The following ASB7 variants were observed in gnomAD, a reference collection of about 807,000 sequenced individuals.
The protein encoded by ASB7 is ankyrin repeat and SOCS box containing 7.
ASB7 carries 4 observed loss-of-function variants against 32.5 expected under a neutral mutation model. That is an observed-to-expected ratio of 0.12 (90% CI 0.06 to 0.28). The LOEUF (loss-of-function observed/expected upper bound fraction) is 0.28, where lower values mean the gene tolerates loss of function less well. Ranked by LOEUF, ASB7 falls within the 10% of genes least tolerant of loss-of-function variation. The pLI, the probability that ASB7 is intolerant of heterozygous loss-of-function variation, is 1.00. For synonymous variants in ASB7, 172 were observed against 155.6 expected, an observed-to-expected ratio of 1.11 and a Z score of -0.78; for missense variants, 181 against 407.1, an observed-to-expected ratio of 0.44 and a Z score of 4.78.
chr15:100,640,213 C>T (rs1483326422), intron 5 of ASB7, among the ~76,000 whole-genome samples: 2 of 152,214 alleles, frequency 1.3e-5, no homozygotes, highest in Middle Eastern at 3.4e-3. Flanking sequence ...GGTGTGATCT[C>T]AGCTCACTGC....
At chr15:100,618,021 C>T (rs990578590) in intron 4 of ASB7, among the ~76,000 whole-genome samples, 1 of 152,246 alleles carries the variant, frequency 6.6e-6, no homozygotes, top group Non-Finnish European at 1.5e-5. Flanking sequence ...GTGGCACAGT[C>T]ATAGCTCATC....
chr15:100,603,296 C>T lies in ASB7; in HGVS notation c.-191C>T, dbSNP rs1281765684. On this transcript the variant is annotated 5_prime_UTR_variant, in exon 2 of 6. Coordinates refer to ENST00000332783, the MANE Select transcript of ASB7 (RefSeq NM_198243.3). ...GAAGCAGAAGGCACAGTGCCTCTGA[C>T]CAGCATCGTCTGTAAAGGTAATGAG... 1.0e-5 allele frequency: 3 copies of T among 301,044 alleles called. No homozygotes were observed. Among genetic ancestry groups the T allele is most frequent in the Admixed American group, 5.1e-5 (1 of 19,498 alleles). The allele number at this position is 301,044 out of a possible 1,614,324, so 18.6% of individuals were successfully genotyped here.
intron 4 of ASB7, among the ~76,000 whole-genome samples, chr15:100,619,808 G>A (rs771832863): frequency 7.2e-5 from 11 of 152,172 alleles, no homozygotes; most frequent in African/African-American, 1.9e-4. Context: ...GGTGGGGAGC[G>A]GCCACGTGAA....
intron 5 of ASB7, among the ~76,000 whole-genome samples, chr15:100,634,311 G>A (rs1003921915): frequency 3.3e-5 from 5 of 152,212 alleles, no homozygotes; most frequent in East Asian, 3.8e-4. Flanking sequence ...AATCATATAC[G>A]TATTCACGTG....
At chr15:100,645,695 G>C (rs1200451752) in intron 5 of ASB7, 21 of 1,550,520 alleles carry the variant, frequency 1.4e-5, no homozygotes, top group Admixed American at 1.3e-4. Context: ...ACCATCTTTA[G>C]TTTGGGGATC....
chr15:100,637,723 A>C (rs1410433242), intron 5 of ASB7, among the ~76,000 whole-genome samples: 2 of 152,234 alleles, frequency 1.3e-5, no homozygotes, highest in Non-Finnish European at 2.9e-5. Context: ...GAAGATCCAA[A>C]GTTACTTGAA....
chr15:100,643,839 G>GT (rs2141407894), intron 5 of ASB7, among the ~76,000 whole-genome samples: 1 of 152,102 alleles, frequency 6.6e-6, no homozygotes, highest in African/African-American at 2.4e-5. Context: ...TAGTAATTTA[G>GT]TTTTTACCAC....
chr15:100,645,617 TG>T, intron 5 of ASB7: 1 of 837,740 alleles, frequency 1.2e-6, no homozygotes, highest in Non-Finnish European at 2.1e-6. Context: ...CTGTGGTTCA[TG>T]GGTAGGAGAC....
In ASB7 at chr15:100,640,178, C is replaced by T. The variant is rs558023315; in HGVS notation, c.818-8145C>T. The stretch of plus-strand genomic sequence containing the variant: ...TTGTTTTTTTTGAGACAGAGTCTCA[C>T]TTGTCACCCATGCTGGAATGCAATG... On this transcript the variant is annotated intron_variant, in intron 5 of 5. Transcript: ENST00000332783. 2.6e-5 allele frequency among the ~76,000 whole-genome samples: 4 copies of T among 152,156 alleles called. No individual in the cohort carries two copies. In the South Asian group the frequency reaches 8.3e-4, roughly 32 times the overall value.
At position 100,644,064 on chromosome 15, in the gene ASB7, A is replaced by G. The variant is rs934082039; in HGVS notation, c.818-4259A>G. Among the ~76,000 whole-genome samples, 4 of 152,132 alleles carry G rather than the reference A, an allele frequency of 2.6e-5. No individual in the cohort carries two copies. In the East Asian group the frequency reaches 7.8e-4, roughly 30 times the overall value. ...GGAGTTTGAGACCAGCCTGACCAAC[A>G]TGGTGAGACCCCATCTCTACTAAAA... On this transcript the variant is annotated intron_variant, in intron 5 of 5. Coordinates refer to ENST00000332783, the MANE Select transcript of ASB7 (RefSeq NM_198243.3).
At chr15:100,628,019 C>T (rs1333744879) in intron 4 of ASB7, among the ~76,000 whole-genome samples, 1 of 152,204 alleles carries the variant, frequency 6.6e-6, no homozygotes, top group East Asian at 1.9e-4. Context: ...TTAAAATGTT[C>T]TTACCCTACT....
chr15:100,641,741 C>T (rs2039962873), intron 5 of ASB7, among the ~76,000 whole-genome samples: 1 of 152,196 alleles, frequency 6.6e-6, no homozygotes, highest in South Asian at 2.1e-4. Context: ...CAAAGAGGGG[C>T]CCTCTACTTT....
intron 5 of ASB7, chr15:100,645,414 A>T (rs1400845222): frequency 9.5e-6 from 3 of 315,450 alleles, no homozygotes; most frequent in Non-Finnish European, 1.8e-5. Flanking sequence ...TCAAATTATC[A>T]TTCGAGTTCA....
intron 4 of ASB7, among the ~76,000 whole-genome samples, chr15:100,619,537 A>G (rs185078894): frequency 8.4e-4 from 128 of 152,360 alleles, no homozygotes; most frequent in Non-Finnish European, 1.5e-3. Flanking sequence ...ATTGCCGTTA[A>G]TTGAAATGAA....
intron 4 of ASB7, among the ~76,000 whole-genome samples, chr15:100,622,249 A>G (rs1037907299): frequency 1.3e-5 from 2 of 151,788 alleles, no homozygotes; most frequent in Admixed American, 1.3e-4. Context: ...AAATTTAACC[A>G]AGAAGATGAG....
At chr15:100,632,843 G>C (rs2039893928) in intron 5 of ASB7, among the ~76,000 whole-genome samples, 1 of 134,968 alleles carries the variant, frequency 7.4e-6, no homozygotes, top group South Asian at 2.4e-4. Flanking sequence ...TAAAAACTCT[G>C]ATCTATATAG....
chr15:100,646,887 T>G (rs1343715858), intron 5 of ASB7, among the ~76,000 whole-genome samples: 1 of 152,162 alleles, frequency 6.6e-6, no homozygotes. Flanking sequence ...GAGTGTCAGT[T>G]TTTTCCAGAG....
In ASB7 at chr15:100,612,122, C is replaced by G. The variant is rs2039701578; in HGVS notation, c.-51-44C>G. 3.0e-6 allele frequency: 3 copies of G among 1,011,734 alleles called. No individual in the cohort carries two copies. The East Asian group carries it at 7.7e-5, about 26-fold the overall frequency. 62.7% of individuals were successfully genotyped at this position (1,011,734 alleles called of 1,614,324 possible). A position where few individuals can be genotyped will look rare whatever the true frequency, so the allele number is the denominator to read the frequency against. On this transcript the variant is annotated intron_variant, in intron 3 of 5. Transcript: ENST00000332783. ...TATTTAATAGATGCAGTATCAGGAA[C>G]CAGTTATTCTAAATTTTACCTTTTC...
rs924653295 is a variant in ASB7 at position 100,650,662 on chromosome 15, T to C, written c.*2200T>C. 1.3e-5 allele frequency: 2 copies of C among 152,234 alleles called. No individual in the cohort carries two copies. The highest frequency in any genetic ancestry group is 4.8e-5 in the African/African-American group (2 of 41,468). The allele number at this position is 152,234 out of a possible 1,614,324, so 9.4% of individuals were successfully genotyped here. On this transcript the variant is annotated 3_prime_UTR_variant, in exon 6 of 6. Coordinates refer to ENST00000332783, the MANE Select transcript of ASB7 (RefSeq NM_198243.3). ...AAAGATCAGATTAAGGTAAATTCTT[T>C]GTTCTGTATTGCTGCTGTGACTTCA...
Sources: allele counts gnomAD v4.1 joint callset (sites outside exome capture counted in the v4.1 genomes callset), GRCh38; gene constraint gnomAD v4.1.1; transcripts MANE v1.5; gene names NCBI Gene and HGNC (gene_info 2026-07-23, HGNC 2026-07-21).